COQ5: variants seen among roughly 807,000 people sequenced by gnomAD.
The protein encoded by COQ5 is coenzyme Q5, methyltransferase.
In COQ5, 27 loss-of-function variants were observed where a neutral mutation model predicts 40.5. The observed-to-expected ratio is 0.67, with a 90% CI of 0.49 to 0.92. COQ5 has a LOEUF of 0.92. Ranked by LOEUF, COQ5 falls within the 40% of genes least tolerant of loss-of-function variation. The pLI is 0.00. For synonymous variants in COQ5, 141 were observed against 150.0 expected (o/e 0.94, Z 0.44); for missense variants, 409 against 406.4 (o/e 1.01, Z -0.06).
At position 120,503,535 on chromosome 12, in the gene COQ5, G is replaced by T. The variant is rs894122212; in HGVS notation, c.*249C>A. The T allele has an allele frequency of 4.8e-6, 3 of 619,286 alleles. No individual in the cohort carries two copies. The highest frequency in any genetic ancestry group is 1.8e-5 in the African/African-American group (1 of 55,352). The allele number at this position is 619,286 out of a possible 1,614,324, so 38.4% of individuals were successfully genotyped here. A position where few individuals can be genotyped will look rare whatever the true frequency, so the allele number is the denominator to read the frequency against. ...TTAACCACACACCCTACAGCCAAGA[G>T]AAATTAGCAGTTGAGCAAAGATACA... On this transcript the variant is annotated 3_prime_UTR_variant, in exon 7 of 7. Transcript: ENST00000288532.
At chr12:120,519,433 G>A (rs1399907235) in intron 2 of COQ5, among the ~76,000 whole-genome samples, 5 of 152,182 alleles carry the variant, frequency 3.3e-5, no homozygotes, top group East Asian at 3.9e-4. Flanking sequence ...GATGATGGGC[G>A]CCTGTAATCC....
chr12:120,520,612 C>T (rs538153696), intron 2 of COQ5, among the ~76,000 whole-genome samples: 1 of 151,916 alleles, frequency 6.6e-6, no homozygotes, highest in South Asian at 2.1e-4. Flanking sequence ...GCATGAGCCA[C>T]CACACCCCGC....
intron 4 of COQ5, among the ~76,000 whole-genome samples, chr12:120,509,501 A>G (rs1196420340): frequency 1.8e-4 from 27 of 152,114 alleles, no homozygotes; most frequent in Non-Finnish European, 1.3e-4. Flanking sequence ...CATGTCTCTG[A>G]TTTTCTGCAA....
chr12:120,518,609 G>C (rs1869500540), intron 2 of COQ5, among the ~76,000 whole-genome samples: 1 of 150,838 alleles, frequency 6.6e-6, no homozygotes, highest in South Asian at 2.1e-4. Context: ...TCTATTCCCA[G>C]GCTAGAGTGC....
At position 120,522,440 on chromosome 12, in the gene COQ5, G is replaced by T. The variant is rs1869712841; in HGVS notation, c.203-77C>A. On this transcript the variant is annotated intron_variant, in intron 1 of 6. Transcript: ENST00000288532. ...AAAATCCTAAACAAAAAAGGAGGAA[G>T]CTTTTTTCCCCTGAAATGACCTGGC... 4.2e-6 allele frequency: 6 copies of T among 1,439,990 alleles called. No homozygotes were observed. In the Admixed American group the frequency reaches 6.7e-5, roughly 16 times the overall value. The allele number at this position is 1,439,990 out of a possible 1,614,324, so 89.2% of individuals were successfully genotyped here.
rs181491732 is a variant in COQ5, at chr12:120,526,024, A to C, written c.202+2916T>G. Among the ~76,000 whole-genome samples the C allele has an allele frequency of 1.1e-3, 163 of 152,364 alleles. 1 individual carries two copies. In the Middle Eastern group the frequency reaches 0.017, roughly 16 times the overall value. ...TCAGTTACTGTGGTTTAGCTAAACA[A>C]CACCAGTCACCCAATACCACAATTC... On this transcript the variant is annotated intron_variant, in intron 1 of 6. Coordinates refer to ENST00000288532, the MANE Select transcript of COQ5 (RefSeq NM_032314.4).
At position 120,503,639 on chromosome 12, in the gene COQ5, T is replaced by C; in HGVS notation, c.*145A>G. The C allele has an allele frequency of 1.4e-6, 1 of 722,292 alleles. No homozygotes were observed. The highest frequency in any genetic ancestry group is 2.5e-6 in the Non-Finnish European group (1 of 398,400). The allele number at this position is 722,292 out of a possible 1,614,324, so 44.7% of individuals were successfully genotyped here. ...AAGTGACAAGAATTTGTTCTTCCAC[T>C]TTGAGACTGTTCGATTCAAACATGA... On this transcript the variant is annotated 3_prime_UTR_variant, in exon 7 of 7. Coordinates refer to ENST00000288532, the MANE Select transcript of COQ5 (RefSeq NM_032314.4).
intron 5 of COQ5, among the ~76,000 whole-genome samples, 183 bp from the exon 6 acceptor site, chr12:120,504,264 A>G (rs898412435): frequency 6.6e-6 from 1 of 152,098 alleles, no homozygotes; most frequent in Non-Finnish European, 1.5e-5. Flanking sequence ...ACAGTTAGGA[A>G]GTATTATGAA....
At chr12:120,521,551 C>T (rs1014867699) in intron 2 of COQ5, among the ~76,000 whole-genome samples, 5 of 152,104 alleles carry the variant, frequency 3.3e-5, no homozygotes, top group Admixed American at 1.3e-4. Context: ...TGGTGCATGC[C>T]TATAATCCCA....
intron 2 of COQ5, among the ~76,000 whole-genome samples, chr12:120,518,601 T>C (rs2137087746): frequency 6.6e-6 from 1 of 151,832 alleles, no homozygotes; most frequent in Admixed American, 6.6e-5. Flanking sequence ...AGGCTCGCTC[T>C]ATTCCCAGGC....
chr12:120,522,423 A>G (rs1038462727), intron 1 of COQ5, 60 bp from the exon 2 acceptor site: 1 of 1,572,984 alleles, frequency 6.4e-7, no homozygotes, highest in South Asian at 1.1e-5. Flanking sequence ...GAAAAATCCT[A>G]AACAAAAAAG....
At chr12:120,519,103 T>C (rs905195539) in intron 2 of COQ5, among the ~76,000 whole-genome samples, 1 of 152,230 alleles carries the variant, frequency 6.6e-6, no homozygotes, top group Admixed American at 6.5e-5. Flanking sequence ...TTGTTTTAAA[T>C]AGATAAACAA....
intron 1 of COQ5, chr12:120,526,408 G>A (rs970886521): frequency 1.3e-5 from 6 of 451,334 alleles, no homozygotes; most frequent in African/African-American, 1.2e-4. Context: ...GCTGCCACTG[G>A]AGAGACTCTA....
intron 3 of COQ5, among the ~76,000 whole-genome samples, chr12:120,511,181 C>T (rs953894582): frequency 4.7e-5 from 7 of 147,908 alleles, no homozygotes; most frequent in Non-Finnish European, 5.9e-5. Flanking sequence ...TGCTTGAATT[C>T]GGGAGGTGGA....
At chr12:120,509,937 T>C in intron 4 of COQ5, 80 bp downstream of exon 4, 1 of 1,177,920 alleles carries the variant, frequency 8.5e-7, no homozygotes, top group South Asian at 1.2e-5. Context: ...AAAACTCTCC[T>C]TCTTTCCTCA....
intron 2 of COQ5, 82 bp from the exon 3 acceptor site, chr12:120,516,870 G>A: frequency 2.5e-6 from 3 of 1,176,774 alleles, no homozygotes; most frequent in Non-Finnish European, 3.8e-6. Context: ...AAACCCAAAG[G>A]GGTAACAGAG....
chr12:120,516,774 G>C lies in COQ5; in HGVS notation c.367C>G (p.Arg123Gly), dbSNP rs202246526. 6.2e-7 allele frequency: 1 copy of C among 1,614,032 alleles called. No homozygotes were observed. The highest frequency in any genetic ancestry group is 8.5e-7 in the Non-Finnish European group (1 of 1,179,900). ...TGGGACTGAACATAATTAAGGAACC[G>C]GAATGCAATGTCACCTGTGGGAAGC... is the stretch of plus-strand genomic sequence containing the variant. ...VAGGTGDIAF[R>G]FLNYVQSQHQ... Residue 123 changes from arginine (R) to glycine (G), a missense_variant, in exon 3 of 7, where the codon CGG becomes GGG. By Grantham distance (125) the Arg-to-Gly change is moderately radical. Transcript: ENST00000288532.
At chr12:120,519,870 CAAAA>C (rs1176340696) in intron 2 of COQ5, among the ~76,000 whole-genome samples, 7 of 99,182 alleles carry the variant, frequency 7.1e-5, no homozygotes, top group African/African-American at 7.7e-5. Context: ...GACTTGGACT[CAAAA>C]AAAAAAAAAA....
intron 1 of COQ5, chr12:120,526,469 G>C (rs958560105): frequency 2.2e-6 from 1 of 455,724 alleles, no homozygotes; most frequent in African/African-American, 2.0e-5. Flanking sequence ...ACATGAACAA[G>C]AAATGGAGCT....
Sources: allele counts gnomAD v4.1 joint callset (sites outside exome capture counted in the v4.1 genomes callset), GRCh38; gene constraint gnomAD v4.1.1; transcripts MANE v1.5; gene names NCBI Gene and HGNC (gene_info 2026-07-23, HGNC 2026-07-21).